The following POFUT1 variants were observed in gnomAD, a reference collection of about 807,000 sequenced individuals.
The protein encoded by POFUT1 is protein O-fucosyltransferase 1.
POFUT1 carries 16 observed loss-of-function variants against 42.4 expected under a neutral mutation model. The observed-to-expected ratio is 0.38, with a 90% CI of 0.26 to 0.57. The LOEUF is 0.57. POFUT1 is among the 20% of genes least tolerant of loss of function. POFUT1 has a pLI of 0.71. For missense variants in POFUT1, 470 were observed against 504.6 expected (o/e 0.93, Z 0.66); for synonymous variants, 206 against 205.4 (o/e 1.00, Z -0.03).
At chr20:32,233,586 T>C (rs1478652797) in intron 6 of POFUT1, among the ~76,000 whole-genome samples, 1 of 152,192 alleles carries the variant, frequency 6.6e-6, no homozygotes, top group Non-Finnish European at 1.5e-5. Flanking sequence ...TTCTGGCTGC[T>C]CTGTGGTGAG....
intron 6 of POFUT1, chr20:32,231,379 G>A (rs2047442923): frequency 2.9e-6 from 1 of 346,854 alleles, no homozygotes. Flanking sequence ...AGGAGCTGTG[G>A]GCTCCTTGAA....
At position 32,210,056 on chromosome 20, in the gene POFUT1, A is replaced by G. The variant is rs779481012; in HGVS notation, c.125-15A>G. The G allele has an allele frequency of 9.3e-6, 15 of 1,613,958 alleles. No individual in the cohort carries two copies. The East Asian group carries it at 2.7e-4, about 29-fold the overall frequency. Reference sequence around the variant, plus strand: ...TGCCCCAGGCCTCACCTCACCCGCAATGTACCATTTCCAGGGCGCTTTGGG... The same window carrying G: ...TGCCCCAGGCCTCACCTCACCCGCAGTGTACCATTTCCAGGGCGCTTTGGG... On this transcript the variant is annotated splice_polypyrimidine_tract_variant and intron_variant, in intron 1 of 6. Coordinates refer to ENST00000375749, the MANE Select transcript of POFUT1 (RefSeq NM_015352.2).
intron 2 of POFUT1, among the ~76,000 whole-genome samples, chr20:32,214,657 A>G (rs925867949): frequency 3.3e-5 from 5 of 152,290 alleles, no homozygotes; most frequent in African/African-American, 1.2e-4. Flanking sequence ...TGTGTTGGCT[A>G]TTTGGGTTTC....
intron 1 of POFUT1, 71 bp downstream of exon 1, chr20:32,208,136 G>T (rs1199671888): frequency 7.0e-7 from 1 of 1,434,694 alleles, no homozygotes; most frequent in Non-Finnish European, 9.4e-7. Context: ...CTCCTCAGAT[G>T]CGCCCAGAGA....
intron 2 of POFUT1, among the ~76,000 whole-genome samples, chr20:32,213,682 A>C (rs2047343030): frequency 6.6e-6 from 1 of 151,950 alleles, no homozygotes; most frequent in African/African-American, 2.4e-5. Context: ...GAGGCAGGAG[A>C]ATCGCTTGAA....
intron 6 of POFUT1, 72 bp from the exon 7 acceptor site, chr20:32,234,401 G>A: frequency 7.4e-7 from 1 of 1,351,942 alleles, no homozygotes; most frequent in African/African-American, 1.5e-5. Flanking sequence ...CAGGGAATAA[G>A]GTTGGGGGTG....
At chr20:32,220,659 C>G (rs2047386837) in intron 4 of POFUT1, among the ~76,000 whole-genome samples, 1 of 152,030 alleles carries the variant, frequency 6.6e-6, no homozygotes, top group Non-Finnish European at 1.5e-5. Context: ...ATAAGAATCA[C>G]TTGAACCTAG....
intron 4 of POFUT1, among the ~76,000 whole-genome samples, chr20:32,224,724 G>C (rs985768706): frequency 2.6e-5 from 4 of 152,202 alleles, no homozygotes; most frequent in Non-Finnish European, 5.9e-5. Flanking sequence ...GTCTCTGTTG[G>C]GTGTGGAGAA....
At chr20:32,223,770 C>G in intron 4 of POFUT1, 1 of 871,190 alleles carries the variant, frequency 1.1e-6, no homozygotes, top group East Asian at 1.2e-4. Context: ...CATGCTGGGG[C>G]TGGGAATCAG....
chr20:32,210,190 A>G lies in POFUT1; in HGVS notation c.244A>G (p.Asn82Asp), dbSNP rs1237998801. 2 of 1,613,994 alleles carry G rather than the reference A, an allele frequency of 1.2e-6. No individual in the cohort carries two copies. Among genetic ancestry groups the G allele is most frequent in the African/African-American group, 1.3e-5 (1 of 74,904 alleles). ...CCAGCATCACAAGCCTCCTTTCACC[A>G]ACGTGAGTACTTCCCACTGACCTTG... The part of the protein sequence containing the change: ...EYQHHKPPFT[N>D]LHVSYQKYFK... Residue 82 changes from asparagine (N) to aspartate (D), a missense_variant and splice_region_variant, in exon 2 of 7, where the codon AAC (asparagine) becomes GAC (aspartate). Asn to Asp is a conservative substitution (Grantham distance 23, BLOSUM62 1). Coordinates refer to ENST00000375749, the MANE Select transcript of POFUT1 (RefSeq NM_015352.2).
At chr20:32,215,850 A>G (rs2122572021) in intron 3 of POFUT1, among the ~76,000 whole-genome samples, 1 of 152,362 alleles carries the variant, frequency 6.6e-6, no homozygotes, top group African/African-American at 2.4e-5. Context: ...ACACTGTTCC[A>G]TGAGGAAAAT....
chr20:32,222,595 G>A (rs542304215), intron 4 of POFUT1: 113 of 985,220 alleles, frequency 1.1e-4, no homozygotes, highest in Non-Finnish European at 1.3e-4. Flanking sequence ...CACCTCGCCC[G>A]GGGTATGTTT....
chr20:32,237,306 TAGA>T lies in POFUT1; in HGVS notation c.*2649_*2651del, dbSNP rs1368502844. ...CTCAAGGAATTTGCATTCTAGAAAG[TAGA>T]AGATGTAATAAATGTACTGTGGGAC... On this transcript the variant is annotated 3_prime_UTR_variant, in exon 7 of 7. Coordinates refer to ENST00000375749, the MANE Select transcript of POFUT1 (RefSeq NM_015352.2). The T allele has an allele frequency of 6.4e-6, 1 of 156,804 alleles. No homozygotes were observed. Among genetic ancestry groups the T allele is most frequent in the Non-Finnish European group, 1.4e-5 (1 of 70,446 alleles). 9.7% of individuals were successfully genotyped at this position (156,804 alleles called of 1,614,324 possible). A position where few individuals can be genotyped will look rare whatever the true frequency, so the allele number is the denominator to read the frequency against.
intron 4 of POFUT1, chr20:32,217,599 A>T (rs1289914539): frequency 1.0e-6 from 1 of 986,004 alleles, no homozygotes; most frequent in African/African-American, 1.7e-5. Context: ...GTTACAGAGC[A>T]AGGGCCTGTC....
chr20:32,218,255 G>A (rs941494257), intron 4 of POFUT1, among the ~76,000 whole-genome samples: 3 of 152,126 alleles, frequency 2.0e-5, no homozygotes, highest in African/African-American at 4.8e-5. Context: ...TCCCCGCTCC[G>A]CCTCCCAAGC....
Position 32,236,721 on chromosome 20 carries a change from T to C in POFUT1, c.*2060T>C, listed in dbSNP as rs764177716. The C allele has an allele frequency of 1.3e-5, 2 of 152,204 alleles. No individual in the cohort carries two copies. Among genetic ancestry groups the C allele is most frequent in the Admixed American group, 6.5e-5 (1 of 15,278 alleles). 9.4% of individuals were successfully genotyped at this position (152,204 alleles called of 1,614,324 possible). A position where few individuals can be genotyped will look rare whatever the true frequency, so the allele number is the denominator to read the frequency against. On this transcript the variant is annotated 3_prime_UTR_variant, in exon 7 of 7. Transcript: ENST00000375749. ...AACTTGAAAGAGACAAAGGCACAAA[T>C]GTGGCTGTTGATTAATTTGACTGCT...
chr20:32,232,651 G>T (rs2047449030), intron 6 of POFUT1, among the ~76,000 whole-genome samples: 1 of 152,060 alleles, frequency 6.6e-6, no homozygotes. Flanking sequence ...CCCCAACTCT[G>T]CCCACATTCC....
At chr20:32,222,483 A>T in intron 4 of POFUT1, 1 of 520,134 alleles carries the variant, frequency 1.9e-6, no homozygotes, top group Non-Finnish European at 2.5e-6. Flanking sequence ...GAAGTCCATT[A>T]TAACCCTTTT....
chr20:32,208,216 G>T, intron 1 of POFUT1, 151 bp downstream of exon 1: 2 of 819,242 alleles, frequency 2.4e-6, no homozygotes, highest in African/African-American at 1.8e-5. Flanking sequence ...TGCCTTAGTT[G>T]CAAGGGCACA....
Sources: allele counts gnomAD v4.1 joint callset (sites outside exome capture counted in the v4.1 genomes callset), GRCh38; gene constraint gnomAD v4.1.1; transcripts MANE v1.5; gene names NCBI Gene and HGNC (gene_info 2026-07-23, HGNC 2026-07-21).